Variants in HSD17B12 observed in about 807,000 individuals in gnomAD.
HSD17B12 encodes the protein hydroxysteroid 17-beta dehydrogenase 12.
HSD17B12 carries 32 observed loss-of-function variants against 39.3 expected under a neutral mutation model. The ratio of observed to expected loss-of-function variants is 0.81; its 90% confidence interval spans 0.61 to 1.09. The LOEUF is 1.09. Ranked by LOEUF, HSD17B12 falls within the 50% of genes least tolerant of loss-of-function variation. The probability of loss-of-function intolerance (pLI) is 0.00; values close to 1 mark genes in which losing one functional copy is unlikely to be tolerated. For missense variants in HSD17B12, 342 were observed against 382.9 expected (o/e 0.89, Z 0.89); for synonymous variants, 150 against 146.7 (o/e 1.02, Z -0.16).
the HSD17B12 span, among the ~76,000 whole-genome samples, chr11:43,586,284 A>G: frequency 6.6e-6 from 1 of 152,216 alleles, no homozygotes; most frequent in African/African-American, 2.4e-5. Flanking sequence ...AAGGTTAGGT[A>G]TGGCTCTCAT....
At chr11:43,671,640 G>C in the HSD17B12 span, among the ~76,000 whole-genome samples, 1 of 152,188 alleles carries the variant, frequency 6.6e-6, no homozygotes, top group African/African-American at 2.4e-5. Flanking sequence ...ATTTCACTAT[G>C]ATATTTTTAA....
chr11:43,798,293 C>G (rs764191739), intron 3 of HSD17B12, 27 bp from the exon 4 acceptor site: 1 of 1,380,088 alleles, frequency 7.2e-7, no homozygotes, highest in South Asian at 1.2e-5. Context: ...CCCTGTCTCT[C>G]CCCGTTTGTG....
intron 1 of HSD17B12, among the ~76,000 whole-genome samples, chr11:43,698,550 G>A (rs189514747): frequency 6.6e-6 from 1 of 152,280 alleles, no homozygotes; most frequent in Admixed American, 6.5e-5. Context: ...TGGAAAGAAC[G>A]GGTACAGGAT....
upstream of HSD17B12, among the ~76,000 whole-genome samples, chr11:43,676,980 G>T (rs1949699215): frequency 6.6e-6 from 1 of 152,200 alleles, no homozygotes; most frequent in Non-Finnish European, 1.5e-5. Flanking sequence ...ATTTGGGGAA[G>T]AGGGAGAAGT....
intron 2 of HSD17B12, among the ~76,000 whole-genome samples, chr11:43,753,731 T>C (rs974744685): frequency 1.3e-5 from 2 of 152,040 alleles, no homozygotes; most frequent in Non-Finnish European, 2.9e-5. Flanking sequence ...TTTTTAAAGC[T>C]AATTTTTAAA....
the HSD17B12 span, among the ~76,000 whole-genome samples, chr11:43,562,405 A>T: frequency 6.6e-6 from 1 of 152,210 alleles, no homozygotes; most frequent in African/African-American, 2.4e-5. Context: ...GTGACTTTTG[A>T]TAAGTTATTT....
the HSD17B12 span, among the ~76,000 whole-genome samples, chr11:43,668,591 A>G: frequency 1.3e-5 from 2 of 152,220 alleles, no homozygotes; most frequent in African/African-American, 2.4e-5. Context: ...AAAAATTTAT[A>G]TAGAAACTTT....
chr11:43,777,331 A>G (rs1950716776), intron 3 of HSD17B12, among the ~76,000 whole-genome samples: 2 of 152,084 alleles, frequency 1.3e-5, no homozygotes, highest in Admixed American at 1.3e-4. Context: ...CATCCCTTGT[A>G]AGTTGGATTC....
At chr11:43,776,456 G>A (rs2134999037) in intron 3 of HSD17B12, among the ~76,000 whole-genome samples, 1 of 152,048 alleles carries the variant, frequency 6.6e-6, no homozygotes, top group Middle Eastern at 3.4e-3. Context: ...GGGGTTGTTT[G>A]TTTTTTTCTT....
chr11:43,792,569 A>G (rs1950877579), intron 3 of HSD17B12, among the ~76,000 whole-genome samples: 1 of 150,900 alleles, frequency 6.6e-6, no homozygotes, highest in Non-Finnish European at 1.5e-5. Flanking sequence ...TATTCATGAG[A>G]TGGGATGGTT....
chr11:43,746,470 C>T (rs1450725020), intron 1 of HSD17B12, among the ~76,000 whole-genome samples: 1 of 152,088 alleles, frequency 6.6e-6, no homozygotes, highest in Non-Finnish European at 1.5e-5. Context: ...GTGTCTTTTA[C>T]CTCCACATTT....
intron 1 of HSD17B12, among the ~76,000 whole-genome samples, chr11:43,690,000 C>T (rs1464345611): frequency 2.6e-5 from 4 of 152,088 alleles, no homozygotes; most frequent in African/African-American, 7.2e-5. Flanking sequence ...TTCCTCTTCA[C>T]GGAATGCTCT....
At chr11:43,784,010 A>G (rs991901980) in intron 3 of HSD17B12, among the ~76,000 whole-genome samples, 2 of 152,206 alleles carry the variant, frequency 1.3e-5, no homozygotes, top group Non-Finnish European at 2.9e-5. Flanking sequence ...GATGAGCCAC[A>G]GACAAAACTC....
At chr11:43,682,562 A>G (rs1364403497) in intron 1 of HSD17B12, among the ~76,000 whole-genome samples, 1 of 151,752 alleles carries the variant, frequency 6.6e-6, no homozygotes, top group African/African-American at 2.4e-5. Flanking sequence ...AAAAAAAAAA[A>G]AAAACAGAAA....
At chr11:43,664,142 C>T in the HSD17B12 span, among the ~76,000 whole-genome samples, 662 of 152,272 alleles carry the variant, frequency 4.3e-3, 3 homozygotes, top group Admixed American at 8.1e-3. Context: ...AGCCACTATG[C>T]CCGGCCCAGG....
At chr11:43,575,295 AAG>A in the HSD17B12 span, among the ~76,000 whole-genome samples, 2 of 152,218 alleles carry the variant, frequency 1.3e-5, no homozygotes, top group Non-Finnish European at 2.9e-5. The surrounding 1 kb of genome is among the most constrained non-coding windows in gnomAD (Gnocchi z 4.1). Flanking sequence ...GAGGGAGAAA[AAG>A]AGAGCAGGAG....
At chr11:43,741,705 C>T (rs922336046) in intron 1 of HSD17B12, among the ~76,000 whole-genome samples, 1 of 149,224 alleles carries the variant, frequency 6.7e-6, no homozygotes, top group South Asian at 2.1e-4. Flanking sequence ...AATTATTGAA[C>T]TTAACTGAGG....
At chr11:43,670,898 A>T in the HSD17B12 span, among the ~76,000 whole-genome samples, 18,736 of 152,100 alleles carry the variant, frequency 0.12, 1,448 homozygotes, top group Middle Eastern at 0.25. Context: ...ACAAATTTTT[A>T]AAAAAGATTA....
intron 2 of HSD17B12, 92 bp from the exon 3 acceptor site, chr11:43,753,954 C>G: frequency 2.8e-6 from 2 of 720,178 alleles, no homozygotes; most frequent in East Asian, 5.5e-5. Flanking sequence ...GAACTATCAT[C>G]TGGACAGGTT....
Sources: allele counts gnomAD v4.1 joint callset (sites outside exome capture counted in the v4.1 genomes callset), GRCh38; gene constraint gnomAD v4.1.1; non-coding constraint Gnocchi (gnomAD v3.1); transcripts MANE v1.5; gene names NCBI Gene and HGNC (gene_info 2026-07-23, HGNC 2026-07-21).